The following UTRN variants were observed in gnomAD, a reference collection of about 807,000 sequenced individuals.
UTRN encodes dystrophin-related protein 1.
A neutral mutation model predicts 463.9 loss-of-function variants in UTRN; 283 were observed. The ratio of observed to expected loss-of-function variants is 0.61; its 90% CI spans 0.55 to 0.67. The LOEUF (loss-of-function observed/expected upper bound fraction) is 0.67. Among genes scored for constraint, UTRN ranks in the 30% least tolerant of loss-of-function variants. UTRN has a pLI of 0.00. For missense variants in UTRN, 3,922 were observed against 4,084.3 expected, an observed-to-expected ratio of 0.96 and a Z score of 1.08; for synonymous variants, 1,442 against 1,431.5, an observed-to-expected ratio of 1.01 and a Z score of -0.17.
chr6:144,684,578 G>C (rs1479402095), intron 52 of UTRN, among the ~76,000 whole-genome samples: 1 of 152,164 alleles, frequency 6.6e-6, no homozygotes, highest in Admixed American at 6.5e-5. Context: ...AGGGCAGACT[G>C]TTTTCCAGAG....
chr6:144,797,241 T>C (rs1777306026), intron 63 of UTRN, among the ~76,000 whole-genome samples: 1 of 151,300 alleles, frequency 6.6e-6, no homozygotes, highest in South Asian at 2.1e-4. Context: ...CAGGCTGGAG[T>C]GCAGTGGCGT....
At chr6:144,346,451 A>AT (rs1340271617) in intron 2 of UTRN, among the ~76,000 whole-genome samples, 6 of 152,148 alleles carry the variant, frequency 3.9e-5, no homozygotes, top group East Asian at 3.8e-4. Flanking sequence ...TATTGAACTG[A>AT]TTTTTTTGTG....
intron 51 of UTRN, among the ~76,000 whole-genome samples, chr6:144,657,577 T>A (rs1779451122): frequency 6.6e-6 from 1 of 152,206 alleles, no homozygotes; most frequent in South Asian, 2.1e-4. Flanking sequence ...TTCCCTCATC[T>A]TTATGCCTTG....
chr6:144,349,319 T>G (rs753083100), intron 2 of UTRN, among the ~76,000 whole-genome samples: 1 of 152,172 alleles, frequency 6.6e-6, no homozygotes, highest in Non-Finnish European at 1.5e-5. Flanking sequence ...TGAGCAGTTC[T>G]TTAAGGGATG....
At chr6:144,784,149 GAATAT>G (rs1776096981) in intron 61 of UTRN, among the ~76,000 whole-genome samples, 1 of 152,204 alleles carries the variant, frequency 6.6e-6, no homozygotes. Flanking sequence ...CAGTCCTATA[GAATAT>G]GGTAGAGGTA....
At chr6:144,827,792 A>C in intron 68 of UTRN, 116 bp downstream of exon 68, 1 of 1,236,080 alleles carries the variant, frequency 8.1e-7, no homozygotes, top group Non-Finnish European at 1.1e-6. Context: ...TGCAGGAGTT[A>C]TGATTCCATT....
At chr6:144,325,997 A>G (rs1775949978) in intron 2 of UTRN, among the ~76,000 whole-genome samples, 1 of 151,778 alleles carries the variant, frequency 6.6e-6, no homozygotes, top group Non-Finnish European at 1.5e-5. Flanking sequence ...AAAAAGTCTT[A>G]TAGATAATGT....
In UTRN at chr6:144,734,267, A is replaced by G. The variant is rs149693814; in HGVS notation, c.7939+3781A>G. Among the ~76,000 whole-genome samples, 88 of 152,356 alleles carry G rather than the reference A, an allele frequency of 5.8e-4. 1 individual carries two copies. The highest frequency in any genetic ancestry group is 2.0e-3 in the African/African-American group (85 of 41,584). ...GCCGAAACTGTAGAGAATTCTTTGA[A>G]AGAGTTGAACTCATCAGTACTTGCT... On this transcript the variant is annotated intron_variant, in intron 54 of 74. Transcript: ENST00000367545.
chr6:144,551,123 C>G (rs745810522), intron 48 of UTRN, 41 bp downstream of exon 48: 6 of 1,327,348 alleles, frequency 4.5e-6, no homozygotes, highest in Non-Finnish European at 6.2e-6. Flanking sequence ...CATCCACTTT[C>G]CCTGCAAATG....
chr6:144,850,432 A>G (rs540260586), intron 74 of UTRN, among the ~76,000 whole-genome samples: 55 of 152,252 alleles, frequency 3.6e-4, no homozygotes, highest in African/African-American at 1.1e-3. Context: ...AAATCCTTTT[A>G]GAAGACCAAA....
intron 52 of UTRN, among the ~76,000 whole-genome samples, chr6:144,679,980 G>A (rs1355329915): frequency 3.3e-5 from 5 of 152,112 alleles, no homozygotes; most frequent in Admixed American, 6.6e-5. Context: ...GGAGTTCTAT[G>A]TAGTGAGGGA....
chr6:144,542,130 AT>A (rs1798026641), intron 45 of UTRN, among the ~76,000 whole-genome samples: 1 of 152,180 alleles, frequency 6.6e-6, no homozygotes, highest in Non-Finnish European at 1.5e-5. Flanking sequence ...TTTTTGAAAT[AT>A]TGCTATAGCT....
Position 144,797,942 on chromosome 6 carries a change from A to T in UTRN, c.9197A>T (p.His3066Leu). 2 of 1,614,180 alleles carry T rather than the reference A, an allele frequency of 1.2e-6. No homozygotes were observed. Among genetic ancestry groups the T allele is most frequent in the Non-Finnish European group, 8.5e-7 (1 of 1,180,020 alleles). Reference sequence around the variant, plus strand: ...GTGGCAGCAGCGGAGACTGCAAAACATCAGGCCAAATGCAACATCTGTAAA... The same window carrying T: ...GTGGCAGCAGCGGAGACTGCAAAACTTCAGGCCAAATGCAACATCTGTAAA... ...HRVAAAETAK[H>L]QAKCNICKEC... The change falls in exon 64 of 75, where the codon CAT becomes CTT. Residue 3066 changes from histidine to leucine, a missense_variant. This residue lies in a region of UTRN where 1,309 missense variants were observed against 1,452.6 expected (regional missense o/e 0.90). Coordinates refer to ENST00000367545, the MANE Select transcript of UTRN (RefSeq NM_007124.3).
At chr6:144,617,659 C>T (rs1324758042) in intron 51 of UTRN, among the ~76,000 whole-genome samples, 1 of 152,168 alleles carries the variant, frequency 6.6e-6, no homozygotes, top group African/African-American at 2.4e-5. Flanking sequence ...TGTACTTCTT[C>T]AGATCATTTC....
At chr6:144,775,797 A>G (rs1489399687) in intron 60 of UTRN, among the ~76,000 whole-genome samples, 1 of 152,150 alleles carries the variant, frequency 6.6e-6, no homozygotes, top group Admixed American at 6.6e-5. Flanking sequence ...GACAACACTT[A>G]TGGGTGGATA....
chr6:144,317,395 T>C (rs555482488), intron 2 of UTRN, among the ~76,000 whole-genome samples: 1 of 152,264 alleles, frequency 6.6e-6, no homozygotes, highest in South Asian at 2.1e-4. Flanking sequence ...CAATCTGATA[T>C]ATATATTTAT....
intron 51 of UTRN, among the ~76,000 whole-genome samples, chr6:144,591,913 T>C (rs948257656): frequency 3.9e-5 from 6 of 152,164 alleles, no homozygotes. Flanking sequence ...ACTTTTTTAG[T>C]TGAAAACATT....
At chr6:144,330,377 A>G (rs928131963) in intron 2 of UTRN, among the ~76,000 whole-genome samples, 9 of 152,216 alleles carry the variant, frequency 5.9e-5, no homozygotes, top group Admixed American at 3.3e-4. Flanking sequence ...TGTATTATTT[A>G]GTGCATTAAT....
intron 54 of UTRN, among the ~76,000 whole-genome samples, chr6:144,745,490 T>C (rs1790623535): frequency 1.3e-5 from 2 of 152,198 alleles, no homozygotes; most frequent in Non-Finnish European, 2.9e-5. Flanking sequence ...TTATTTTGAC[T>C]CAAAAGTGAT....
Sources: gnomAD v4.1 joint callset for allele counts (sites outside exome capture counted in the v4.1 genomes callset) on GRCh38, gnomAD v4.1.1 for gene constraint, gnomAD v4.1.1 regional missense constraint, MANE v1.5 for transcripts, NCBI Gene and HGNC (gene_info 2026-07-23, HGNC 2026-07-21) for gene names.